The following SUCLG2 variants were observed in gnomAD, a reference collection of about 807,000 sequenced individuals.
SUCLG2 encodes the protein succinate--CoA ligase [GDP-forming] subunit beta, mitochondrial.
SUCLG2 carries 42 observed loss-of-function variants against 47.9 expected under a neutral mutation model. That is an observed-to-expected ratio of 0.88 (90% CI 0.69 to 1.14). SUCLG2 has a LOEUF of 1.14. SUCLG2 is among the 50% of genes most tolerant of loss of function. The pLI, the probability that SUCLG2 is intolerant of heterozygous loss-of-function variation, is 0.00. For synonymous variants in SUCLG2, 195 were observed against 197.3 expected, an observed-to-expected ratio of 0.99 and a Z score of 0.10; for missense variants, 571 against 525.9, an observed-to-expected ratio of 1.09 and a Z score of -0.84.
intron 1 of SUCLG2, among the ~76,000 whole-genome samples, chr3:67,645,014 A>G (rs1228151421): frequency 1.3e-5 from 2 of 152,206 alleles, no homozygotes; most frequent in African/African-American, 4.8e-5. Flanking sequence ...GCACATGACA[A>G]CACATCTTCA....
At chr3:67,552,172 CAAAAAAAA>C (rs55687048) in intron 2 of SUCLG2, among the ~76,000 whole-genome samples, 1 of 75,494 alleles carries the variant, frequency 1.3e-5, no homozygotes. Flanking sequence ...AACTCCATCT[CAAAAAAAA>C]AAAAAAAAAA....
intron 3 of SUCLG2, 59 bp from the exon 4 acceptor site, chr3:67,528,281 A>G: frequency 6.7e-7 from 1 of 1,484,748 alleles, no homozygotes; most frequent in Non-Finnish European, 9.4e-7. Context: ...TTTAAATGAG[A>G]GTCCTTACAC....
intron 9 of SUCLG2, among the ~76,000 whole-genome samples, chr3:67,470,308 T>C (rs1704573240): frequency 6.6e-6 from 1 of 152,232 alleles, no homozygotes; most frequent in Non-Finnish European, 1.5e-5. Flanking sequence ...GAGCTTCTTA[T>C]ACTTCAGCCT....
chr3:67,509,029 A>C (rs1705715834), intron 6 of SUCLG2, 126 bp from the exon 7 acceptor site: 2 of 654,116 alleles, frequency 3.1e-6, no homozygotes, highest in Non-Finnish European at 5.1e-6. Context: ...CTGAAGGGAA[A>C]AACAGAAAAG....
chr3:67,439,644 A>G (rs1703710306), intron 9 of SUCLG2, among the ~76,000 whole-genome samples: 1 of 152,210 alleles, frequency 6.6e-6, no homozygotes, highest in Non-Finnish European at 1.5e-5. Context: ...CTACTAAGGG[A>G]ATAAAATACC....
chr3:67,552,732 A>G (rs1249185893), intron 2 of SUCLG2, among the ~76,000 whole-genome samples: 1 of 152,220 alleles, frequency 6.6e-6, no homozygotes, highest in Non-Finnish European at 1.5e-5. Flanking sequence ...CTCATGGTTT[A>G]TTGGGAGAAT....
At chr3:67,625,765 G>T (rs1700815194) in intron 1 of SUCLG2, among the ~76,000 whole-genome samples, 1 of 152,114 alleles carries the variant, frequency 6.6e-6, no homozygotes, top group Non-Finnish European at 1.5e-5. Flanking sequence ...TGAACACCAA[G>T]TATCACCTAC....
At chr3:67,499,839 C>G (rs554824084) in intron 7 of SUCLG2, among the ~76,000 whole-genome samples, 1 of 152,194 alleles carries the variant, frequency 6.6e-6, no homozygotes, top group Non-Finnish European at 1.5e-5. Context: ...TCAAGCGATT[C>G]TCCTGCCTCA....
chr3:67,541,191 T>A (rs1706697872), intron 2 of SUCLG2, among the ~76,000 whole-genome samples: 1 of 152,016 alleles, frequency 6.6e-6, no homozygotes, highest in Non-Finnish European at 1.5e-5. Flanking sequence ...GGAAAAAAAC[T>A]GGATGAAGAA....
intron 9 of SUCLG2, among the ~76,000 whole-genome samples, chr3:67,462,682 G>C (rs1335976209): frequency 6.6e-6 from 1 of 152,136 alleles, no homozygotes; most frequent in Non-Finnish European, 1.5e-5. Context: ...CCTGAGTTTT[G>C]TGTGCCACCC....
intron 1 of SUCLG2, among the ~76,000 whole-genome samples, chr3:67,648,004 G>T (rs778482471): frequency 6.6e-5 from 10 of 152,190 alleles, no homozygotes; most frequent in Non-Finnish European, 1.5e-4. Flanking sequence ...CTTTTAAAAA[G>T]ACCAGCGAAT....
At chr3:67,389,874 T>C (rs956227472) in intron 10 of SUCLG2, among the ~76,000 whole-genome samples, 1 of 152,192 alleles carries the variant, frequency 6.6e-6, no homozygotes, top group African/African-American at 2.4e-5. Context: ...TTTATTCATA[T>C]CAATATTAAA....
rs142476739 is a variant in SUCLG2, at chr3:67,568,364, G to T, written c.227-39178C>A. Among the ~76,000 whole-genome samples the T allele has an allele frequency of 7.2e-5, 11 of 152,180 alleles. No homozygotes were observed. The East Asian group carries it at 1.9e-3, about 27-fold the overall frequency. Reference sequence around the variant, plus strand: ...AAGGAAGGGATAAAAATAAATAAAAGACTAAAAAGTAATATGATTCTTTGA... The same window carrying T: ...AAGGAAGGGATAAAAATAAATAAAATACTAAAAAGTAATATGATTCTTTGA... On this transcript the variant is annotated intron_variant, in intron 2 of 10. Coordinates refer to ENST00000307227, the MANE Select transcript of SUCLG2 (RefSeq NM_003848.4).
intron 10 of SUCLG2, among the ~76,000 whole-genome samples, chr3:67,366,831 G>A (rs1337800689): frequency 1.3e-5 from 2 of 152,138 alleles, no homozygotes; most frequent in East Asian, 1.9e-4. Flanking sequence ...AACCAGCCAT[G>A]TTTTTGAGGT....
At chr3:67,637,455 G>A (rs9811187) in intron 1 of SUCLG2, among the ~76,000 whole-genome samples, 60,917 of 151,956 alleles carry the variant, frequency 0.4, 13,100 homozygotes, top group African/African-American at 0.55. Flanking sequence ...CAGGAAAATT[G>A]TACTTGTGAG....
intron 9 of SUCLG2, among the ~76,000 whole-genome samples, chr3:67,441,905 A>G (rs1347654549): frequency 6.6e-6 from 1 of 152,202 alleles, no homozygotes; most frequent in Admixed American, 6.5e-5. Flanking sequence ...ACACTTTGCC[A>G]TCTTTCTTTC....
chr3:67,389,831 A>G (rs538126912), intron 10 of SUCLG2, among the ~76,000 whole-genome samples: 1 of 152,104 alleles, frequency 6.6e-6, no homozygotes, highest in South Asian at 2.1e-4. Context: ...ATTACACTAT[A>G]CTCTGTTTTG....
At chr3:67,408,059 A>G (rs1452801676) in intron 9 of SUCLG2, among the ~76,000 whole-genome samples, 1 of 152,194 alleles carries the variant, frequency 6.6e-6, no homozygotes, top group Non-Finnish European at 1.5e-5. Context: ...GAGGAATTCA[A>G]TCTTGGGCTT....
At chr3:67,646,106 G>C in intron 1 of SUCLG2, among the ~76,000 whole-genome samples, 1 of 128,648 alleles carries the variant, frequency 7.8e-6, no homozygotes, top group Admixed American at 7.9e-5. Flanking sequence ...GAGGGGAGGG[G>C]AGGAGAGGGG....
Sources: allele counts gnomAD v4.1 joint callset (sites outside exome capture counted in the v4.1 genomes callset), GRCh38; gene constraint gnomAD v4.1.1; transcripts MANE v1.5; gene names NCBI Gene and HGNC (gene_info 2026-07-23, HGNC 2026-07-21).